The following TRPM4 variants were observed in gnomAD, a reference collection of about 807,000 sequenced individuals.
TRPM4 encodes calcium-activated non-selective cation channel 1.
TRPM4 carries 124 observed loss-of-function variants against 135.6 expected under a neutral mutation model. That is an observed-to-expected ratio of 0.91 (90% CI 0.79 to 1.06). TRPM4 has a LOEUF of 1.06. TRPM4 is among the 50% of genes least tolerant of loss of function. The probability of loss-of-function intolerance (pLI) is 0.00; values close to 1 mark genes in which losing one functional copy is unlikely to be tolerated. For synonymous variants in TRPM4, 745 were observed against 705.6 expected, an observed-to-expected ratio of 1.06 and a Z score of -0.88; for missense variants, 1,658 against 1,671.4, an observed-to-expected ratio of 0.99 and a Z score of 0.14.
intron 2 of TRPM4, among the ~76,000 whole-genome samples, chr19:49,162,101 G>A (rs751786055): frequency 1.3e-5 from 2 of 152,214 alleles, no homozygotes; most frequent in Non-Finnish European, 2.9e-5. Context: ...GAAGGCCAGA[G>A]GGGCAGGGGT....
At chr19:49,184,120 C>T (rs1968107769) in intron 12 of TRPM4, among the ~76,000 whole-genome samples, 2 of 152,084 alleles carry the variant, frequency 1.3e-5, no homozygotes. Flanking sequence ...TTTTGTCTTT[C>T]ATCACATTTT....
chr19:49,182,804 AG>A lies in TRPM4; in HGVS notation c.1491del (p.Glu497AspfsTer11). The A allele has an allele frequency of 6.3e-7, 1 of 1,577,532 alleles. No homozygotes were observed. The highest frequency in any genetic ancestry group is 1.7e-4 in the Middle Eastern group (1 of 6,022). On this transcript the variant is annotated frameshift_variant, in exon 11 of 25. Transcript: ENST00000252826. LOFTEE classifies it high-confidence loss of function. ...KAPALKGGAA[E>X]LRPPDVGHVL... Reference sequence around the variant, plus strand: ...CCAGCCCTAAAAGGGGGAGCTGCGGAGCTCCGGCCCCCTGACGTGGGGCATG... The same window carrying A: ...CCAGCCCTAAAAGGGGGAGCTGCGGACTCCGGCCCCCTGACGTGGGGCATG...
chr19:49,177,654 G>A (rs1967751029), intron 9 of TRPM4, among the ~76,000 whole-genome samples: 1 of 152,122 alleles, frequency 6.6e-6, no homozygotes, highest in Admixed American at 6.5e-5. Context: ...GTCTAGCATA[G>A]GCAGGCCCAG....
chr19:49,210,965 G>C lies in TRPM4; in HGVS notation c.3462-50G>C, dbSNP rs1252513289. The stretch of plus-strand genomic sequence containing the variant: ...AGGCCCGGGAAGCAGGCAGAGCCCT[G>C]GGGGTGGGTGGGCTGCGGGTGCCCC... On this transcript the variant is annotated intron_variant, in intron 22 of 24. Transcript: ENST00000252826. This position sits in a 1 kb window ranked among gnomAD's most constrained non-coding sequence, Gnocchi z 4.1. 6.9e-6 allele frequency: 11 copies of C among 1,604,784 alleles called. No homozygotes were observed. The highest frequency in any genetic ancestry group is 8.5e-6 in the Non-Finnish European group (10 of 1,175,480).
chr19:49,182,312 CTG>C (rs1967990802), intron 10 of TRPM4, among the ~76,000 whole-genome samples: 1 of 148,872 alleles, frequency 6.7e-6, no homozygotes, highest in Non-Finnish European at 1.5e-5. Flanking sequence ...ATCCATCCCT[CTG>C]TCCATCCATC....
intron 2 of TRPM4, among the ~76,000 whole-genome samples, chr19:49,162,757 C>T (rs1265536697): frequency 6.6e-6 from 1 of 151,914 alleles, no homozygotes; most frequent in Non-Finnish European, 1.5e-5. Context: ...GGCCATTGTA[C>T]CTGAGAAACT....
Position 49,211,034 on chromosome 19 carries a change from C to T in TRPM4, c.3481C>T (p.Gln1161Ter). 3 of 1,614,098 alleles carry T rather than the reference C, an allele frequency of 1.9e-6. No individual in the cohort carries two copies. Among genetic ancestry groups the T allele is most frequent in the Non-Finnish European group, 1.7e-6 (2 of 1,179,992 alleles). The stretch of plus-strand genomic sequence containing the variant: ...TCTCAGGGTGGACTTGGCACTGAAA[C>T]AGCTGGGACACATCCGCGAGTACGA... ...TSQKVDLALK[Q>*]LGHIREYEQR... Residue 1161 changes from glutamine (Q) to a stop codon, truncating the protein, a stop_gained, in exon 23 of 25, where the codon CAG (glutamine) becomes TAG (stop). Transcript: ENST00000252826. LOFTEE classifies it high-confidence loss of function. The surrounding 1 kb of genome is among the most constrained non-coding windows in gnomAD (Gnocchi z 4.8).
chr19:49,200,219 T>C, intron 17 of TRPM4, 81 bp from the exon 18 acceptor site: 1 of 1,609,944 alleles, frequency 6.2e-7, no homozygotes, highest in Non-Finnish European at 8.5e-7. Context: ...CAGCTTCCTC[T>C]GAAGGATGGC....
At position 49,171,770 on chromosome 19, in the gene TRPM4, G is replaced by A. The variant is rs775091137; in HGVS notation, c.1050+1G>A. On this transcript the variant is annotated splice_donor_variant, in intron 8 of 24. Coordinates refer to ENST00000252826, the MANE Select transcript of TRPM4 (RefSeq NM_017636.4). LOFTEE classifies it high-confidence loss of function. The surrounding 1 kb of genome is among the most constrained non-coding windows in gnomAD (Gnocchi z 4.7). Reference sequence around the variant, plus strand: ...GGACCTTGAGGTCCTGCAGGCCCAGGTATGACACTGGGGGCCCAACTCTGG... The same window carrying A: ...GGACCTTGAGGTCCTGCAGGCCCAGATATGACACTGGGGGCCCAACTCTGG... The A allele has an allele frequency of 1.5e-5, 24 of 1,608,284 alleles. No individual in the cohort carries two copies. The highest frequency in any genetic ancestry group is 1.8e-5 in the Non-Finnish European group (21 of 1,179,448).
In TRPM4 at chr19:49,211,349, C is replaced by T; in HGVS notation, c.3640+80C>T. 2 of 1,565,158 alleles carry T rather than the reference C, an allele frequency of 1.3e-6. No individual in the cohort carries two copies. The highest frequency in any genetic ancestry group is 1.3e-5 in the African/African-American group (1 of 74,188). ...GTGTTTTTCTCTCTCGGCACCTTTC[C>T]AGTGTCCCTGGGTCACTCTCTTGGT... is the stretch of plus-strand genomic sequence containing the variant. On this transcript the variant is annotated intron_variant, in intron 24 of 24. Transcript: ENST00000252826. This position sits in a 1 kb window ranked among gnomAD's most constrained non-coding sequence, Gnocchi z 4.8.
In TRPM4 at chr19:49,196,760, GC is replaced by G; in HGVS notation, c.2535del (p.Pro847LeufsTer6). The G allele has an allele frequency of 6.4e-7, 1 of 1,551,216 alleles. No homozygotes were observed. The highest frequency in any genetic ancestry group is 8.7e-7 in the Non-Finnish European group (1 of 1,155,234). On this transcript the variant is annotated frameshift_variant, in exon 17 of 25. Coordinates refer to ENST00000252826, the MANE Select transcript of TRPM4 (RefSeq NM_017636.4). LOFTEE classifies it high-confidence loss of function. ...GGCGGGGGCAGCCTCGCCAGCGGGG[GC>G]CCCGGGCCTGGCCATGCCTCACTGA... is the stretch of plus-strand genomic sequence containing the variant. ...SGGGGSLASG[G>X]PGPGHASLSQ...
At chr19:49,201,444 A>C (rs1394718276) in intron 19 of TRPM4, among the ~76,000 whole-genome samples, 1 of 152,222 alleles carries the variant, frequency 6.6e-6, no homozygotes, top group Non-Finnish European at 1.5e-5. Flanking sequence ...ATTTAGGCTA[A>C]ATTGTGAGAG....
At chr19:49,199,702 C>T (rs1173014904) in intron 17 of TRPM4, among the ~76,000 whole-genome samples, 1 of 151,524 alleles carries the variant, frequency 6.6e-6, no homozygotes, top group Non-Finnish European at 1.5e-5. Context: ...TGTCTTTTCA[C>T]TTTCACTTTT....
chr19:49,166,824 C>G (rs1024221261), intron 3 of TRPM4, among the ~76,000 whole-genome samples: 6 of 149,068 alleles, frequency 4.0e-5, no homozygotes, highest in African/African-American at 1.5e-4. Flanking sequence ...GTCTCTGTCC[C>G]CGTCTCTCTG....
At position 49,181,656 on chromosome 19, in the gene TRPM4, C is replaced by G. The variant is rs371130078; in HGVS notation, c.1263+195C>G. ...ACGCCATTCTCCTGCCTCAGCCTCC[C>G]GAGTAGCTGGGACTACAGGCGCCCG... On this transcript the variant is annotated intron_variant, in intron 10 of 24. Transcript: ENST00000252826. 3.3e-3 allele frequency among the ~76,000 whole-genome samples: 502 copies of G among 151,646 alleles called. 5 individuals are homozygous for G. Among genetic ancestry groups the G allele is most frequent in the African/African-American group, 0.012 (483 of 41,274 alleles).
chr19:49,197,384 TTTCTC>T (rs1968728699), intron 17 of TRPM4, among the ~76,000 whole-genome samples: 1 of 150,596 alleles, frequency 6.6e-6, no homozygotes, highest in African/African-American at 2.4e-5. Context: ...CTTTTCTTTC[TTTCTC>T]TTTTCTTTTC....
At chr19:49,176,777 G>A (rs541234729) in intron 9 of TRPM4, among the ~76,000 whole-genome samples, 1 of 152,316 alleles carries the variant, frequency 6.6e-6, no homozygotes, top group African/African-American at 2.4e-5. Context: ...CTTGAACCCA[G>A]GAGGTGGAGG....
At chr19:49,200,506 GA>G in intron 18 of TRPM4, 74 bp downstream of exon 18, 1 of 1,593,540 alleles carries the variant, frequency 6.3e-7, no homozygotes, top group Non-Finnish European at 8.5e-7. Flanking sequence ...GTGGTCCGTG[GA>G]GAAGGGGCGT....
rs1211638624 is a variant in TRPM4, at chr19:49,202,086, A to T, written c.3076A>T (p.Ile1026Phe). The change falls in exon 20 of 25, where the codon ATC becomes TTC. Residue 1026 changes from isoleucine (I) to phenylalanine (F), a missense_variant. This residue lies in a region of TRPM4 where 1,412 missense variants were observed against 1,408.7 expected (regional missense o/e 1.00). Coordinates refer to ENST00000252826, the MANE Select transcript of TRPM4 (RefSeq NM_017636.4). ...CTGGCTGGTGGTGCTGCTCCTCGTC[A>T]TCTTCCTGCTCGTGGCCAACATCCT... ...ANWLVVLLLV[I>F]FLLVANILLV... The T allele has an allele frequency of 6.2e-7, 1 of 1,613,940 alleles. No individual in the cohort carries two copies. The highest frequency in any genetic ancestry group is 2.2e-5 in the East Asian group (1 of 44,856).
Sources: allele counts gnomAD v4.1 joint callset (sites outside exome capture counted in the v4.1 genomes callset), GRCh38; gene constraint gnomAD v4.1.1; regional missense constraint gnomAD v4.1.1; non-coding constraint Gnocchi (gnomAD v3.1); transcripts MANE v1.5; gene names NCBI Gene and HGNC (gene_info 2026-07-23, HGNC 2026-07-21).